The following MICU1 variants were observed in gnomAD, a reference collection of about 807,000 sequenced individuals.
MICU1 encodes calcium uptake protein 1, mitochondrial.
A neutral mutation model predicts 56.8 loss-of-function variants in MICU1; 45 were observed. The observed-to-expected ratio is 0.79, with a 90% CI of 0.62 to 1.02. The LOEUF (loss-of-function observed/expected upper bound fraction) is 1.02. Among genes scored for constraint, MICU1 ranks in the 50% least tolerant of loss-of-function variants. The pLI, the probability that MICU1 is intolerant of heterozygous loss-of-function variation, is 0.00. For synonymous variants in MICU1, 186 were observed against 195.1 expected, an observed-to-expected ratio of 0.95 and a Z score of 0.39; for missense variants, 504 against 587.1, an observed-to-expected ratio of 0.86 and a Z score of 1.46.
At chr10:72,603,759 A>G (rs985815407) in intron 1 of MICU1, among the ~76,000 whole-genome samples, 2 of 152,156 alleles carry the variant, frequency 1.3e-5, no homozygotes, top group African/African-American at 2.4e-5. Flanking sequence ...AGCTGAAATC[A>G]TGCCATTGCA....
chr10:72,546,796 G>A (rs1399471835), intron 4 of MICU1, among the ~76,000 whole-genome samples: 1 of 152,030 alleles, frequency 6.6e-6, no homozygotes, highest in African/African-American at 2.4e-5. Flanking sequence ...CATGACCACA[G>A]CCCACTGTAA....
In MICU1 at chr10:72,603,961, G is replaced by A. The variant is rs374711908; in HGVS notation, c.-2+22049C>T. ...CAATTGGTTGAAAGAGTTAAGTTCT[G>A]TGGCAGAAATTCAACACTCTGAGTT... On this transcript the variant is annotated intron_variant, in intron 1 of 11. Transcript: ENST00000361114. 1.5e-3 allele frequency among the ~76,000 whole-genome samples: 233 copies of A among 152,284 alleles called. 9 individuals are homozygous for A. The South Asian group carries it at 0.046, about 30-fold the overall frequency.
chr10:72,475,376 C>T (rs1866085388), intron 7 of MICU1, 79 bp from the exon 8 acceptor site: 6 of 1,241,964 alleles, frequency 4.8e-6, no homozygotes, highest in Non-Finnish European at 6.7e-6. Context: ...AGAATCATAA[C>T]TATTGTTTAC....
chr10:72,548,083 C>CTACA (rs1839940709), intron 4 of MICU1, among the ~76,000 whole-genome samples: 2 of 152,166 alleles, frequency 1.3e-5, no homozygotes, highest in African/African-American at 4.8e-5. Context: ...GAGTATGTTC[C>CTACA]TACAGGTGTC....
intron 6 of MICU1, among the ~76,000 whole-genome samples, chr10:72,486,024 C>G (rs1453350438): frequency 6.6e-6 from 1 of 151,500 alleles, no homozygotes; most frequent in Non-Finnish European, 1.5e-5. Context: ...AAAAAAGTGA[C>G]AAGAAAGCAT....
At chr10:72,436,120 G>A (rs1864708330) in intron 8 of MICU1, among the ~76,000 whole-genome samples, 1 of 152,228 alleles carries the variant, frequency 6.6e-6, no homozygotes, top group Non-Finnish European at 1.5e-5. Flanking sequence ...AGCCTAACTG[G>A]GAGACACCTC....
intron 6 of MICU1, among the ~76,000 whole-genome samples, chr10:72,501,468 T>A (rs989683981): frequency 6.6e-6 from 1 of 151,948 alleles, no homozygotes; most frequent in Non-Finnish European, 1.5e-5. Flanking sequence ...AAACAACATA[T>A]GTTATATTCT....
chr10:72,605,571 G>C (rs1006427536), intron 1 of MICU1, among the ~76,000 whole-genome samples: 4 of 152,192 alleles, frequency 2.6e-5, no homozygotes, highest in Non-Finnish European at 4.4e-5. Flanking sequence ...CAACTGTGGG[G>C]TTTGCCCTGT....
intron 5 of MICU1, among the ~76,000 whole-genome samples, chr10:72,529,199 T>G (rs1839408127): frequency 6.6e-6 from 1 of 152,208 alleles, no homozygotes; most frequent in African/African-American, 2.4e-5. Context: ...CATAAATTTT[T>G]TCTTCCAAGT....
chr10:72,490,011 A>G (rs1468515950), intron 6 of MICU1, among the ~76,000 whole-genome samples: 1 of 152,214 alleles, frequency 6.6e-6, no homozygotes, highest in Non-Finnish European at 1.5e-5. Flanking sequence ...GAATGTTGGT[A>G]TTTTTTAGTA....
chr10:72,533,062 G>A (rs746967246), intron 5 of MICU1: 3 of 1,289,546 alleles, frequency 2.3e-6, no homozygotes, highest in Non-Finnish European at 3.0e-6. Context: ...ACCATGCCTG[G>A]TTCTTTCTTC....
chr10:72,456,849 T>TTGTGTGTGTGTG (rs56262647), intron 8 of MICU1, among the ~76,000 whole-genome samples: 123 of 134,618 alleles, frequency 9.1e-4, no homozygotes, highest in East Asian at 3.8e-3. Context: ...CGGGCTCATT[T>TTGTGTGTGTGTG]TGTGTGTGTG....
rs998287288 is a variant in MICU1 at position 72,552,990 on chromosome 10, A to C, written c.331-1649T>G. Among the ~76,000 whole-genome samples, 4 of 152,370 alleles carry C rather than the reference A, an allele frequency of 2.6e-5. No homozygotes were observed. The East Asian group carries it at 7.7e-4, about 29-fold the overall frequency. ...TTCCACTACCACATGTGCTTTTAGCAACTGAGAAAAGACTGCAAATTTGTG... is the reference window on the plus strand; with the variant it reads ...TTCCACTACCACATGTGCTTTTAGCCACTGAGAAAAGACTGCAAATTTGTG... On this transcript the variant is annotated intron_variant, in intron 3 of 11. Transcript: ENST00000361114.
At chr10:72,450,539 G>A (rs1024838814) in intron 8 of MICU1, among the ~76,000 whole-genome samples, 1 of 151,928 alleles carries the variant, frequency 6.6e-6, no homozygotes, top group Non-Finnish European at 1.5e-5. Context: ...TACACATTCC[G>A]GGGAACTAAC....
At chr10:72,449,427 A>C (rs1281336481) in intron 8 of MICU1, among the ~76,000 whole-genome samples, 1 of 152,096 alleles carries the variant, frequency 6.6e-6, no homozygotes, top group Non-Finnish European at 1.5e-5. Flanking sequence ...TGGTAAAGAC[A>C]GGGTCTCACT....
intron 2 of MICU1, among the ~76,000 whole-genome samples, chr10:72,563,299 G>A (rs1455649069): frequency 3.3e-4 from 50 of 152,134 alleles, no homozygotes. Flanking sequence ...GCAGCACTAT[G>A]CACAATAGCT....
In MICU1 at chr10:72,375,834, C is replaced by A; in HGVS notation, c.1219G>T (p.Glu407Ter). The A allele has an allele frequency of 6.2e-7, 1 of 1,613,446 alleles. No homozygotes were observed. The highest frequency in any genetic ancestry group is 8.5e-7 in the Non-Finnish European group (1 of 1,179,744). Reference sequence around the variant, plus strand: ...ACATCACACACGTGGTCTGAGAGCTCCACTTTAGCCACTGTCCTGGCCACC... The same window carrying A: ...ACATCACACACGTGGTCTGAGAGCTACACTTTAGCCACTGTCCTGGCCACC... ...QQVARTVAKV[E>*]LSDHVCDVVF... Residue 407 changes from glutamate (E) to a stop codon, truncating the protein, a stop_gained, in exon 11 of 12, where the codon GAG (glutamate) becomes TAG (stop). Transcript: ENST00000361114. LOFTEE classifies it high-confidence loss of function.
chr10:72,589,796 AC>A (rs1194012274), intron 1 of MICU1, among the ~76,000 whole-genome samples: 7 of 152,178 alleles, frequency 4.6e-5, no homozygotes, highest in African/African-American at 1.7e-4. Context: ...TTTTTTAATA[AC>A]TAATATTTTT....
chr10:72,569,005 C>T (rs1840520391), intron 1 of MICU1, among the ~76,000 whole-genome samples: 1 of 150,300 alleles, frequency 6.7e-6, no homozygotes, highest in African/African-American at 2.4e-5. Context: ...CCATCCGCCT[C>T]GGCCTCCCAA....
Sources: allele counts gnomAD v4.1 joint callset (sites outside exome capture counted in the v4.1 genomes callset), GRCh38; gene constraint gnomAD v4.1.1; transcripts MANE v1.5; gene names NCBI Gene and HGNC (gene_info 2026-07-23, HGNC 2026-07-21).